The following LAMA3 variants were observed in gnomAD, a reference collection of about 807,000 sequenced individuals.
LAMA3 encodes laminin subunit alpha-3.
A neutral mutation model predicts 402.0 loss-of-function variants in LAMA3; 281 were observed. The ratio of observed to expected loss-of-function variants is 0.70; its 90% CI spans 0.63 to 0.77. The LOEUF (loss-of-function observed/expected upper bound fraction) is 0.77. Ranked by LOEUF, LAMA3 falls within the 30% of genes least tolerant of loss-of-function variation. The probability of loss-of-function intolerance (pLI) is 0.00; values close to 1 mark genes in which losing one functional copy is unlikely to be tolerated. For synonymous variants in LAMA3, 1,431 were observed against 1,558.4 expected, an observed-to-expected ratio of 0.92 and a Z score of 1.93; for missense variants, 3,840 against 4,215.5, an observed-to-expected ratio of 0.91 and a Z score of 2.47.
In LAMA3 at chr18:23,949,913, A is replaced by G; in HGVS notation, c.9500A>G (p.His3167Arg). The change falls in exon 71 of 75, where the codon CAT becomes CGT. Residue 3167 changes from histidine (H) to arginine (R), a missense_variant. Physicochemically the swap from His to Arg is conservative, Grantham distance 29. Around this residue, in one of 3 missense-constraint regions of LAMA3, gnomAD observed 840 missense variants for 981.9 expected, o/e 0.86. Coordinates refer to ENST00000313654, the MANE Select transcript of LAMA3 (RefSeq NM_198129.4). The stretch of plus-strand genomic sequence containing the variant: ...ATTTATTTCTCTGAAGAAGGAGGTC[A>G]TGTCGTCTTGGGTAAGGAGCAGTTC... ...KGIYFSEEGG[H>R]VVLAHSVLLG... 1 of 1,614,084 alleles carries G rather than the reference A, an allele frequency of 6.2e-7. No homozygotes were observed. Among genetic ancestry groups the G allele is most frequent in the Non-Finnish European group, 8.5e-7 (1 of 1,180,030 alleles).
chr18:23,900,061 G>A (rs2081015350), intron 47 of LAMA3, among the ~76,000 whole-genome samples: 1 of 42,184 alleles, frequency 2.4e-5, no homozygotes, highest in Non-Finnish European at 1.8e-4. Context: ...TGAACTTTGT[G>A]TGTGTGTGCG....
At chr18:23,718,223 A>G (rs1219280294) in intron 2 of LAMA3, among the ~76,000 whole-genome samples, 1 of 151,718 alleles carries the variant, frequency 6.6e-6, no homozygotes, top group African/African-American at 2.4e-5. Context: ...CTACATATAC[A>G]CTCTGGACTT....
chr18:23,891,707 TTAG>T (rs1253744864), intron 42 of LAMA3, among the ~76,000 whole-genome samples: 1 of 152,170 alleles, frequency 6.6e-6, no homozygotes, highest in African/African-American at 2.4e-5. Flanking sequence ...GGTAACTGGC[TTAG>T]TAGCAGGAGG....
rs2081842012 is a variant in LAMA3 at position 23,921,602 on chromosome 18, A to T, written c.8177+17A>T. The T allele has an allele frequency of 1.9e-6, 3 of 1,613,426 alleles. No homozygotes were observed. The highest frequency in any genetic ancestry group is 2.5e-6 in the Non-Finnish European group (3 of 1,179,724). On this transcript the variant is annotated intron_variant, in intron 62 of 74. Coordinates refer to ENST00000313654, the MANE Select transcript of LAMA3 (RefSeq NM_198129.4). ...CAGGGAAAGGTAAGATGATTTTTTT[A>T]AAACGAGATTTAAAGCCTTTGTTAG...
At chr18:23,836,070 A>G (rs2063574622) in intron 24 of LAMA3, among the ~76,000 whole-genome samples, 1 of 151,540 alleles carries the variant, frequency 6.6e-6, no homozygotes, top group Non-Finnish European at 1.5e-5. Flanking sequence ...TAACCCTAGG[A>G]TTATGCCTAA....
intron 37 of LAMA3, among the ~76,000 whole-genome samples, chr18:23,870,029 G>T (rs1472649413): frequency 1.3e-5 from 2 of 151,962 alleles, no homozygotes; most frequent in Admixed American, 1.3e-4. Context: ...ATTAGGTCAG[G>T]TGCAGTGGCT....
chr18:23,818,961 A>C (rs1185928053), intron 18 of LAMA3, among the ~76,000 whole-genome samples: 1 of 152,184 alleles, frequency 6.6e-6, no homozygotes, highest in East Asian at 1.9e-4. Flanking sequence ...TATCTACAAA[A>C]TCTTTCTTTA....
rs762272477 is a variant in LAMA3, at chr18:23,828,753, C to T, written c.2823+1286C>T. 7.2e-5 allele frequency among the ~76,000 whole-genome samples: 11 copies of T among 152,144 alleles called. No homozygotes were observed. The East Asian group carries it at 9.6e-4, about 13-fold the overall frequency. On this transcript the variant is annotated intron_variant, in intron 23 of 74. Coordinates refer to ENST00000313654, the MANE Select transcript of LAMA3 (RefSeq NM_198129.4). ...AGGACCTCAAGGCTCTTTTACAATA[C>T]GGAAATATTTTATTTCACTATCTCT...
chr18:23,723,635 T>C (rs2061250385), intron 2 of LAMA3, among the ~76,000 whole-genome samples: 1 of 152,208 alleles, frequency 6.6e-6, no homozygotes, highest in South Asian at 2.1e-4. Flanking sequence ...GTATGTCAGC[T>C]TGCTGGCTCT....
chr18:23,908,220 A>C (rs1040890033), intron 54 of LAMA3, among the ~76,000 whole-genome samples: 1 of 152,172 alleles, frequency 6.6e-6, no homozygotes, highest in Non-Finnish European at 1.5e-5. Flanking sequence ...ATTATGATTG[A>C]TATTAAGAAT....
intron 6 of LAMA3, among the ~76,000 whole-genome samples, chr18:23,755,227 A>T (rs1467141795): frequency 6.6e-6 from 1 of 152,218 alleles, no homozygotes; most frequent in Non-Finnish European, 1.5e-5. Context: ...GTGGGAAAGG[A>T]GTACACGCCA....
chr18:23,951,898 C>G (rs1474110363), intron 73 of LAMA3, 121 bp downstream of exon 73: 2 of 751,010 alleles, frequency 2.7e-6, no homozygotes, highest in Non-Finnish European at 4.7e-6. Flanking sequence ...GGCCAGCCCC[C>G]GAGGCTAACG....
Position 23,751,090 on chromosome 18 carries a change from T to G in LAMA3, c.855+2T>G. The G allele has an allele frequency of 6.2e-7, 1 of 1,614,092 alleles. No individual in the cohort carries two copies. The highest frequency in any genetic ancestry group is 8.5e-7 in the Non-Finnish European group (1 of 1,179,952). On this transcript the variant is annotated splice_donor_variant, in intron 5 of 74. Transcript: ENST00000313654. LOFTEE classifies it high-confidence loss of function. ...CGAGATCCAACTGTCACTCGGCGGG[T>G]GAGTAGTCAGAGCATTTGTTTTGTT...
At chr18:23,763,283 G>C (rs941897435) in intron 7 of LAMA3, 122 bp from the exon 8 acceptor site, 3 of 721,350 alleles carry the variant, frequency 4.2e-6, no homozygotes, top group Admixed American at 2.0e-5. Context: ...TCCCCTAAGA[G>C]TGTCCTGGGT....
In LAMA3 at chr18:23,753,806, A is replaced by T. The variant is rs2061794714; in HGVS notation, c.941A>T (p.Glu314Val). 1 of 1,610,474 alleles carries T rather than the reference A, an allele frequency of 6.2e-7. No homozygotes were observed. Among genetic ancestry groups the T allele is most frequent in the Admixed American group, 1.7e-5 (1 of 60,014 alleles). Residue 314 changes from glutamate to valine, a missense_variant, in exon 6 of 75, where the codon GAA becomes GTA. Coordinates refer to ENST00000313654, the MANE Select transcript of LAMA3 (RefSeq NM_198129.4). ...HAEVCNINNP[E>V]KLFRCECQHH... Reference sequence around the variant, plus strand: ...GAAGTGTGCAATATAAACAATCCTGAAAAACTGTAAGTACACTGTACAGAT... The same window carrying T: ...GAAGTGTGCAATATAAACAATCCTGTAAAACTGTAAGTACACTGTACAGAT...
chr18:23,914,345 C>T (rs2081534739), intron 56 of LAMA3, 65 bp from the exon 57 acceptor site: 1 of 1,570,172 alleles, frequency 6.4e-7, no homozygotes, highest in Non-Finnish European at 8.8e-7. Flanking sequence ...GCATCCTCAT[C>T]CTCTTGGGAT....
At chr18:23,690,987 C>A (rs2060577805) in intron 1 of LAMA3, among the ~76,000 whole-genome samples, 2 of 151,804 alleles carry the variant, frequency 1.3e-5, no homozygotes, top group African/African-American at 4.8e-5. Context: ...CTCAAGCTGT[C>A]CTTCTGTCTT....
rs1185307642 is a variant in LAMA3 at position 23,847,637 on chromosome 18, C to A, written c.4105C>A (p.Pro1369Thr). ...GAGGGGCACCATCGAGGCTGCCATGCCGGAGTGTGACCGGGACAGCGGGCA... is the reference window on the plus strand; with the variant it reads ...GAGGGGCACCATCGAGGCTGCCATGACGGAGTGTGACCGGGACAGCGGGCA... ...SRRGTIEAAMPECDRDSGQCR... is the reference protein window; with the variant it reads ...SRRGTIEAAMTECDRDSGQCR... Residue 1369 changes from proline to threonine, a missense_variant, in exon 32 of 75, where the codon CCG (proline) becomes ACG (threonine). Pro to Thr is a conservative substitution (Grantham distance 38). Coordinates refer to ENST00000313654, the MANE Select transcript of LAMA3 (RefSeq NM_198129.4). 2 of 1,613,984 alleles carry A rather than the reference C, an allele frequency of 1.2e-6. No homozygotes were observed. Among genetic ancestry groups the A allele is most frequent in the Non-Finnish European group, 1.7e-6 (2 of 1,180,012 alleles).
chr18:23,872,749 A>T (rs191987445), intron 38 of LAMA3: 71 of 438,894 alleles, frequency 1.6e-4, no homozygotes, highest in Non-Finnish European at 1.3e-4. Flanking sequence ...CCTCCTACCC[A>T]GGGCGTGTTC....
Sources: allele counts gnomAD v4.1 joint callset (sites outside exome capture counted in the v4.1 genomes callset), GRCh38; gene constraint gnomAD v4.1.1; regional missense constraint gnomAD v4.1.1; transcripts MANE v1.5; gene names NCBI Gene and HGNC (gene_info 2026-07-23, HGNC 2026-07-21).